REC114: variants seen among roughly 807,000 people sequenced by gnomAD.
REC114 encodes the protein meiotic recombination protein REC114.
Under a neutral mutation model 31.3 loss-of-function variants are expected in REC114, and 27 were observed. The observed-to-expected ratio is 0.86, with a 90% CI of 0.64 to 1.19. REC114 has a LOEUF of 1.19. Ranked by LOEUF, REC114 falls within the 50% of genes most tolerant of loss-of-function variation. The probability of loss-of-function intolerance (pLI) is 0.00; values close to 1 mark genes in which losing one functional copy is unlikely to be tolerated. For synonymous variants in REC114, 134 were observed against 127.7 expected (o/e 1.05, Z -0.33); for missense variants, 344 against 326.9 (o/e 1.05, Z -0.40).
chr15:73,466,571 A>G (rs1893063041), intron 1 of REC114, among the ~76,000 whole-genome samples: 1 of 152,158 alleles, frequency 6.6e-6, no homozygotes. Context: ...GAAAACAACA[A>G]CAACAAAAAC....
chr15:73,471,141 CT>C (rs2141292141), intron 1 of REC114, among the ~76,000 whole-genome samples: 1 of 152,216 alleles, frequency 6.6e-6, no homozygotes, highest in East Asian at 1.9e-4. Context: ...AGAATAAACT[CT>C]GTGTTGGAGA....
intron 1 of REC114, among the ~76,000 whole-genome samples, chr15:73,449,744 G>T (rs1595858195): frequency 6.6e-6 from 1 of 152,210 alleles, no homozygotes; most frequent in Admixed American, 6.5e-5. Flanking sequence ...AGGGCAGCCA[G>T]AGAGAAAGGT....
chr15:73,483,596 C>G (rs1893324645), intron 2 of REC114: 2 of 152,372 alleles, frequency 1.3e-5, no homozygotes, highest in Non-Finnish European at 2.9e-5. Flanking sequence ...AGCTGGTGTC[C>G]TTAGGGTTTG....
intron 2 of REC114, among the ~76,000 whole-genome samples, chr15:73,489,086 T>C (rs1043920716): frequency 6.6e-6 from 1 of 152,168 alleles, no homozygotes; most frequent in Non-Finnish European, 1.5e-5. Flanking sequence ...TGCTGCTCTC[T>C]GCTTTTGAGA....
At chr15:73,493,882 C>T (rs927761402) in intron 2 of REC114, among the ~76,000 whole-genome samples, 10 of 152,340 alleles carry the variant, frequency 6.6e-5, no homozygotes, top group African/African-American at 1.4e-4. Context: ...CGCTGCATTA[C>T]ACATTCTAGG....
intron 2 of REC114, among the ~76,000 whole-genome samples, chr15:73,519,589 A>G (rs1040920622): frequency 6.6e-6 from 1 of 152,236 alleles, no homozygotes; most frequent in Admixed American, 6.5e-5. Context: ...AATAATTAAA[A>G]ATAGAACTAC....
intron 2 of REC114, among the ~76,000 whole-genome samples, chr15:73,491,843 T>C (rs1298498714): frequency 1.3e-5 from 2 of 151,794 alleles, no homozygotes; most frequent in Non-Finnish European, 2.9e-5. Flanking sequence ...GAGGTTGCAG[T>C]GAGCTGAGAT....
chr15:73,462,125 T>A (rs1892998280), intron 1 of REC114, among the ~76,000 whole-genome samples: 1 of 151,530 alleles, frequency 6.6e-6, no homozygotes, highest in Non-Finnish European at 1.5e-5. Context: ...AGAGATGGGG[T>A]TTCACCATCT....
chr15:73,463,169 G>A (rs1893013729), intron 1 of REC114, among the ~76,000 whole-genome samples: 1 of 152,122 alleles, frequency 6.6e-6, no homozygotes, highest in African/African-American at 2.4e-5. Context: ...TGATTGATTG[G>A]TGTATCTTTT....
chr15:73,548,586 T>C (rs571292882), intron 3 of REC114, among the ~76,000 whole-genome samples: 60 of 152,286 alleles, frequency 3.9e-4, no homozygotes, highest in Admixed American at 5.9e-4. Flanking sequence ...GTTGTACTTA[T>C]ATACTGTTGG....
intron 1 of REC114, among the ~76,000 whole-genome samples, chr15:73,458,050 A>G (rs1892940566): frequency 1.3e-5 from 2 of 152,164 alleles, no homozygotes; most frequent in Non-Finnish European, 2.9e-5. Context: ...TTCCTGTGCT[A>G]GGCCTACTGA....
At chr15:73,557,122 T>G (rs930210845) in intron 5 of REC114, among the ~76,000 whole-genome samples, 3 of 150,204 alleles carry the variant, frequency 2.0e-5, no homozygotes, top group African/African-American at 7.4e-5. Context: ...CAGGCTGGAG[T>G]GCAGTGGTGC....
At chr15:73,505,608 T>G (rs1287080622) in intron 2 of REC114, among the ~76,000 whole-genome samples, 2 of 152,158 alleles carry the variant, frequency 1.3e-5, no homozygotes, top group African/African-American at 4.8e-5. Context: ...CTCCGCTCAC[T>G]GCAAGCTCTG....
chr15:73,556,199 TTTTC>T (rs1381903697), intron 4 of REC114, 99 bp from the exon 5 acceptor site: 2 of 961,554 alleles, frequency 2.1e-6, no homozygotes, highest in African/African-American at 1.6e-5. Flanking sequence ...CTTAGTGGTA[TTTTC>T]TTTCTTTGAA....
At position 73,551,043 on chromosome 15, in the gene REC114, C is replaced by T. The variant is rs2141335592; in HGVS notation, c.439C>T (p.Gln147Ter). ...VQKLAQYITV[Q>*]VPDGNIQELQ... ...GAAGCTGGCACAATACATAACCGTGCAGGTGCCTGATGGAAACATCCAGGA... is the reference window on the plus strand; with the variant it reads ...GAAGCTGGCACAATACATAACCGTGTAGGTGCCTGATGGAAACATCCAGGA... The change falls in exon 4 of 6, where the codon CAG (glutamine) becomes TAG (stop). Residue 147 changes from glutamine (Q) to a stop codon, truncating the protein, a stop_gained. Transcript: ENST00000331090. LOFTEE classifies it high-confidence loss of function. 1 of 1,613,868 alleles carries T rather than the reference C, an allele frequency of 6.2e-7. No individual in the cohort carries two copies. Among genetic ancestry groups the T allele is most frequent in the Non-Finnish European group, 8.5e-7 (1 of 1,179,852 alleles).
At chr15:73,502,890 A>G (rs962885190) in intron 2 of REC114, among the ~76,000 whole-genome samples, 2 of 152,206 alleles carry the variant, frequency 1.3e-5, no homozygotes, top group East Asian at 1.9e-4. Context: ...ATAAAGGACA[A>G]TATTTTTCTA....
At chr15:73,457,655 C>T (rs924409764) in intron 1 of REC114, among the ~76,000 whole-genome samples, 1 of 152,132 alleles carries the variant, frequency 6.6e-6, no homozygotes, top group African/African-American at 2.4e-5. Context: ...TACCTATTGA[C>T]TTGAGAGCTG....
chr15:73,503,245 G>A (rs1013365145), intron 2 of REC114, among the ~76,000 whole-genome samples: 2 of 152,080 alleles, frequency 1.3e-5, no homozygotes, highest in East Asian at 1.9e-4. Context: ...TCATTATCAC[G>A]CCAAACTGGG....
chr15:73,551,248 TGTAG>T, intron 4 of REC114, 98 bp downstream of exon 4: 3 of 1,221,962 alleles, frequency 2.5e-6, no homozygotes, highest in Non-Finnish European at 3.5e-6. Flanking sequence ...CTGTTAGGTT[TGTAG>T]TTTAAAAAAC....
Sources: allele counts gnomAD v4.1 joint callset (sites outside exome capture counted in the v4.1 genomes callset), GRCh38; gene constraint gnomAD v4.1.1; transcripts MANE v1.5; gene names NCBI Gene and HGNC (gene_info 2026-07-23, HGNC 2026-07-21).